The following ZW10 variants were observed in gnomAD, a reference collection of about 807,000 sequenced individuals.
The protein encoded by ZW10 is zw10 kinetochore protein.
A neutral mutation model predicts 87.8 loss-of-function variants in ZW10; 53 were observed. The ratio of observed to expected loss-of-function variants is 0.60; its 90% CI spans 0.48 to 0.76. The LOEUF (loss-of-function observed/expected upper bound fraction) is 0.76, where lower values mean the gene tolerates loss of function less well. ZW10 is among the 30% of genes least tolerant of loss of function. The pLI is 0.00. For synonymous variants in ZW10, 312 were observed against 329.2 expected (o/e 0.95, Z 0.57); for missense variants, 837 against 923.0 (o/e 0.91, Z 1.21).
At chr11:113,741,850 G>T in intron 10 of ZW10, 85 bp from the exon 11 acceptor site, 1 of 875,188 alleles carries the variant, frequency 1.1e-6, no homozygotes, top group Non-Finnish European at 1.8e-6. Flanking sequence ...CATCTTCAGT[G>T]AGAGTCATAA....
intron 14 of ZW10, 128 bp from the exon 15 acceptor site, chr11:113,736,950 A>G: frequency 1.3e-6 from 1 of 748,346 alleles, no homozygotes; most frequent in Non-Finnish European, 2.3e-6. Context: ...ACCAATTTGG[A>G]ACAACTTACT....
intron 7 of ZW10, among the ~76,000 whole-genome samples, chr11:113,748,831 T>C (rs1200208662): frequency 6.6e-6 from 1 of 152,228 alleles, no homozygotes; most frequent in East Asian, 1.9e-4. Flanking sequence ...GTTTGTACTT[T>C]ACAGTAAAAC....
In ZW10 at chr11:113,738,395, C is replaced by T; in HGVS notation, c.1754-1G>A. 2 of 1,607,870 alleles carry T rather than the reference C, an allele frequency of 1.2e-6. No individual in the cohort carries two copies. Among genetic ancestry groups the T allele is most frequent in the Non-Finnish European group, 1.7e-6 (2 of 1,178,322 alleles). On this transcript the variant is annotated splice_acceptor_variant, in intron 12 of 15. Transcript: ENST00000200135. LOFTEE classifies it high-confidence loss of function. ...ATTTGGGCCAAAAAGCATTCTGTCC[C>T]TATGATGGAAAAACAGAATAAAAAA...
At chr11:113,753,195 T>A (rs1337342916) in intron 7 of ZW10, among the ~76,000 whole-genome samples, 1 of 151,924 alleles carries the variant, frequency 6.6e-6, no homozygotes, top group Non-Finnish European at 1.5e-5. Flanking sequence ...CACCCTCCAA[T>A]AGGCCCCAGT....
chr11:113,766,476 C>G (rs1953908069), intron 2 of ZW10, among the ~76,000 whole-genome samples: 1 of 149,618 alleles, frequency 6.7e-6, no homozygotes, highest in Non-Finnish European at 1.5e-5. Context: ...CGAGACCATC[C>G]TGGCTAACAT....
intron 2 of ZW10, among the ~76,000 whole-genome samples, chr11:113,767,913 C>T (rs1328000807): frequency 6.6e-6 from 1 of 152,204 alleles, no homozygotes; most frequent in Non-Finnish European, 1.5e-5. Flanking sequence ...ACTTACAACA[C>T]TCTTCCTTCC....
At chr11:113,735,990 G>C (rs1245817577) in intron 15 of ZW10, among the ~76,000 whole-genome samples, 1 of 152,124 alleles carries the variant, frequency 6.6e-6, no homozygotes, top group Non-Finnish European at 1.5e-5. Context: ...CAGGCTGGCT[G>C]CAGTGGCTCA....
At chr11:113,750,269 A>C (rs1434328102) in intron 7 of ZW10, among the ~76,000 whole-genome samples, 2 of 152,176 alleles carry the variant, frequency 1.3e-5, no homozygotes, top group African/African-American at 4.8e-5. Flanking sequence ...GGCAAAACAA[A>C]AAAAGCTGCT....
At chr11:113,769,680 C>T (rs535354444) in intron 1 of ZW10, 27 of 340,768 alleles carry the variant, frequency 7.9e-5, no homozygotes, top group Admixed American at 1.4e-4. Flanking sequence ...AATTTAGTGG[C>T]TTCACGTTTG....
At chr11:113,742,876 T>C (rs1254334455) in intron 10 of ZW10, among the ~76,000 whole-genome samples, 1 of 152,228 alleles carries the variant, frequency 6.6e-6, no homozygotes, top group Non-Finnish European at 1.5e-5. Context: ...ATAAAGAGGT[T>C]ATCTCACGAT....
chr11:113,753,274 G>A (rs2134882214), intron 7 of ZW10, among the ~76,000 whole-genome samples: 1 of 152,244 alleles, frequency 6.6e-6, no homozygotes, highest in South Asian at 2.1e-4. Context: ...AGGACATGCG[G>A]TATTTGGTTT....
chr11:113,758,782 C>T (rs937374308), intron 5 of ZW10, 76 bp from the exon 6 acceptor site: 43 of 1,419,606 alleles, frequency 3.0e-5, no homozygotes, highest in Non-Finnish European at 4.2e-5. Context: ...AGAGCTCATT[C>T]TCTGATATTT....
chr11:113,739,666 CAG>C (rs1354362250), intron 11 of ZW10, among the ~76,000 whole-genome samples: 2 of 152,186 alleles, frequency 1.3e-5, no homozygotes, highest in Non-Finnish European at 2.9e-5. Context: ...GAAAACCTAG[CAG>C]AGCTATGCAT....
Position 113,738,361 on chromosome 11 carries a change from T to C in ZW10, c.1787A>G (p.Gln596Arg). ...TAATCTTTCCAGAAGTTCACCTTTC[T>C]GTGCCCGCATTTGGGCCAAAAAGCA... is the stretch of plus-strand genomic sequence containing the variant. Reference protein sequence around the residue: ...TECFLAQMRAQKGELLERLSS... With the variant: ...TECFLAQMRARKGELLERLSS... The change falls in exon 13 of 16, where the codon CAG becomes CGG. Residue 596 changes from glutamine (Q) to arginine (R), a missense_variant. By Grantham distance (43) the Gln-to-Arg change is conservative. Coordinates refer to ENST00000200135, the MANE Select transcript of ZW10 (RefSeq NM_004724.4). 1.9e-6 allele frequency: 3 copies of C among 1,613,576 alleles called. No individual in the cohort carries two copies. Among genetic ancestry groups the C allele is most frequent in the Non-Finnish European group, 2.5e-6 (3 of 1,179,806 alleles).
Position 113,747,681 on chromosome 11 carries a change from G to T in ZW10, c.1122C>A (p.Ala374=). Residue 374 remains alanine (A), a synonymous_variant, in exon 9 of 16, where the codon GCC becomes GCA. Coordinates refer to ENST00000200135, the MANE Select transcript of ZW10 (RefSeq NM_004724.4). Reference sequence around the variant, plus strand: ...CTTTTAAAAATCTCATTTCCTTTAGGGCATTTTCAAATTCTTCAGTGGACT... The same window carrying T: ...CTTTTAAAAATCTCATTTCCTTTAGTGCATTTTCAAATTCTTCAGTGGACT... ...IIQSTEEFEN[A]LKEMRFLKGD... The T allele has an allele frequency of 6.2e-7, 1 of 1,609,008 alleles. No homozygotes were observed. The highest frequency in any genetic ancestry group is 8.5e-7 in the Non-Finnish European group (1 of 1,177,116).
At chr11:113,756,761 T>C (rs1315312902) in intron 7 of ZW10, among the ~76,000 whole-genome samples, 1 of 152,198 alleles carries the variant, frequency 6.6e-6, no homozygotes, top group Non-Finnish European at 1.5e-5. Context: ...ATCTCTCCAA[T>C]TCCTTCTAAT....
At chr11:113,765,253 A>G (rs1372371043) in intron 2 of ZW10, among the ~76,000 whole-genome samples, 1 of 152,232 alleles carries the variant, frequency 6.6e-6, no homozygotes, top group Non-Finnish European at 1.5e-5. Context: ...TCGAGTCCAC[A>G]TTATTTTCCT....
At chr11:113,736,868 T>A (rs1953559801) in intron 14 of ZW10, 46 bp from the exon 15 acceptor site, 1 of 1,586,824 alleles carries the variant, frequency 6.3e-7, no homozygotes, top group Non-Finnish European at 8.7e-7. Context: ...TTGGGCCAGC[T>A]CAGAAGTGGG....
chr11:113,772,600 C>G (rs1462061775), intron 1 of ZW10, among the ~76,000 whole-genome samples: 1 of 152,076 alleles, frequency 6.6e-6, no homozygotes, highest in Non-Finnish European at 1.5e-5. Flanking sequence ...GTTTTTGTAT[C>G]AATCTCAAGG....
Sources: gnomAD v4.1 joint callset for allele counts (sites outside exome capture counted in the v4.1 genomes callset) on GRCh38, gnomAD v4.1.1 for gene constraint, MANE v1.5 for transcripts, NCBI Gene and HGNC (gene_info 2026-07-23, HGNC 2026-07-21) for gene names.